Variants in FGF14 observed in about 807,000 individuals in gnomAD.
FGF14 encodes fibroblast growth factor 14, also known as fibroblast growth factor homologous factor 4.
FGF14 carries 5 observed loss-of-function variants against 25.5 expected under a neutral mutation model. The ratio of observed to expected loss-of-function variants is 0.20; its 90% CI spans 0.10 to 0.41. The LOEUF is 0.41. Among genes scored for constraint, FGF14 ranks in the 10% least tolerant of loss-of-function variants. The probability of loss-of-function intolerance (pLI) is 1.00; values close to 1 mark genes in which losing one functional copy is unlikely to be tolerated. For missense variants in FGF14, 222 were observed against 320.1 expected (o/e 0.69, Z 2.34); for synonymous variants, 138 against 118.3 (o/e 1.17, Z -1.08).
At chr13:102,056,578 A>G (rs1307360118) in intron 1 of FGF14, among the ~76,000 whole-genome samples, 1 of 152,166 alleles carries the variant, frequency 6.6e-6, no homozygotes. Context: ...TTGTGGTTCC[A>G]TAAATACTCA....
chr13:102,053,124 G>T (rs2042287295), intron 1 of FGF14, among the ~76,000 whole-genome samples: 1 of 151,986 alleles, frequency 6.6e-6, no homozygotes, highest in Non-Finnish European at 1.5e-5. Flanking sequence ...AATCACAAAG[G>T]AAGATAGCAA....
chr13:102,016,929 C>T (rs1356053300), intron 1 of FGF14: 1 of 152,242 alleles, frequency 6.6e-6, no homozygotes, highest in African/African-American at 2.4e-5. Context: ...TACTCTTAGA[C>T]AAGCTAGGAC....
rs530105516 is a variant in FGF14 at position 102,348,423 on chromosome 13, G to A, written c.208+53048C>T. ...GTGAGAGATGAAAAAGAAAGAAGAG[G>A]CATTTCTCCCTCCATCCATAGTGCA... On this transcript the variant is annotated intron_variant, in intron 1 of 4. Coordinates refer to the FGF14 transcript ENST00000376131. 3.9e-5 allele frequency among the ~76,000 whole-genome samples: 6 copies of A among 152,138 alleles called. No homozygotes were observed. In the South Asian group the frequency reaches 1.0e-3, roughly 26 times the overall value.
At chr13:102,095,237 C>A (rs2044338472) in intron 1 of FGF14, among the ~76,000 whole-genome samples, 1 of 152,060 alleles carries the variant, frequency 6.6e-6, no homozygotes, top group Admixed American at 6.5e-5. Flanking sequence ...TGAAGGGTTT[C>A]TGAAATGGAT....
intron 1 of FGF14, among the ~76,000 whole-genome samples, chr13:101,936,914 TTAGTGTA>T (rs1204775725): frequency 6.6e-6 from 1 of 152,174 alleles, no homozygotes; most frequent in Admixed American, 6.5e-5. Flanking sequence ...GAAAAATTAA[TTAGTGTA>T]TAGAAGCAAA....
In FGF14 at chr13:101,789,730, A is replaced by C. The variant is rs906483619; in HGVS notation, c.409-62920T>G. On this transcript the variant is annotated intron_variant, in intron 3 of 4. Coordinates refer to ENST00000376143, the MANE Select transcript of FGF14 (RefSeq NM_004115.4). Reference sequence around the variant, plus strand: ...AGACGAATTTTAAAACAAATATATGAAACTTTTTATAGATAGTATTAGTTT... The same window carrying C: ...AGACGAATTTTAAAACAAATATATGCAACTTTTTATAGATAGTATTAGTTT... Among the ~76,000 whole-genome samples the C allele has an allele frequency of 3.9e-5, 6 of 152,186 alleles. No homozygotes were observed. The South Asian group carries it at 1.0e-3, about 26-fold the overall frequency.
intron 1 of FGF14, among the ~76,000 whole-genome samples, chr13:101,982,078 G>T (rs1386041847): frequency 6.6e-6 from 1 of 152,116 alleles, no homozygotes; most frequent in Non-Finnish European, 1.5e-5. Flanking sequence ...AGTTAGTAGG[G>T]TCACCATAAA....
intron 1 of FGF14, chr13:102,373,815 C>A (rs942813074): frequency 1.3e-5 from 2 of 152,144 alleles, no homozygotes; most frequent in African/African-American, 4.8e-5. Context: ...TTGTAGAGAT[C>A]TTGTAGAACA....
chr13:101,749,302 C>G lies in FGF14; in HGVS notation c.409-22492G>C, dbSNP rs2037113152. ...TGGAAAGATTAAGCAAACTGTGGTA[C>G]ATCCATACCATGGAATATGACAGTA... On this transcript the variant is annotated intron_variant, in intron 3 of 4. Coordinates refer to ENST00000376143, the MANE Select transcript of FGF14 (RefSeq NM_004115.4). 3.3e-5 allele frequency among the ~76,000 whole-genome samples: 5 copies of G among 151,992 alleles called. No individual in the cohort carries two copies. The South Asian group carries it at 1.0e-3, about 31-fold the overall frequency.
intron 1 of FGF14, among the ~76,000 whole-genome samples, chr13:101,939,863 G>T (rs1443420400): frequency 6.6e-6 from 1 of 152,140 alleles, no homozygotes; most frequent in African/African-American, 2.4e-5. Flanking sequence ...GCTTTAGAAA[G>T]AAATAGCATG....
chr13:101,916,056 C>T (rs942859804), intron 1 of FGF14, among the ~76,000 whole-genome samples: 15 of 152,338 alleles, frequency 9.8e-5, no homozygotes, highest in Middle Eastern at 6.8e-3. Flanking sequence ...TGGAAACCCC[C>T]ACCAGCTCAG....
intron 1 of FGF14, among the ~76,000 whole-genome samples, chr13:101,980,525 G>A (rs2038185886): frequency 6.6e-6 from 1 of 152,260 alleles, no homozygotes; most frequent in Non-Finnish European, 1.5e-5. Flanking sequence ...GAGAGAAGTT[G>A]GTTAGGACAA....
intron 1 of FGF14, among the ~76,000 whole-genome samples, chr13:101,974,299 G>A (rs2037793536): frequency 6.6e-6 from 1 of 152,172 alleles, no homozygotes; most frequent in Admixed American, 6.5e-5. Context: ...TTTCAGATGA[G>A]GATGCTGAGG....
At chr13:101,869,813 A>T (rs2044947742) in intron 2 of FGF14, among the ~76,000 whole-genome samples, 1 of 152,216 alleles carries the variant, frequency 6.6e-6, no homozygotes, top group Non-Finnish European at 1.5e-5. Flanking sequence ...GTCATTTGAA[A>T]AATGTGGGCA....
chr13:102,236,280 G>T (rs1187825268), intron 1 of FGF14, among the ~76,000 whole-genome samples: 1 of 152,148 alleles, frequency 6.6e-6, no homozygotes, highest in Admixed American at 6.5e-5. Flanking sequence ...TTGGGGTCTG[G>T]ATCAGGACCC....
chr13:102,076,352 G>T (rs1421772928), intron 1 of FGF14, among the ~76,000 whole-genome samples: 3 of 152,152 alleles, frequency 2.0e-5, no homozygotes, highest in African/African-American at 7.2e-5. Context: ...ATTGCCCACA[G>T]TATTCAGTAC....
chr13:101,837,084 C>T (rs926849580), intron 3 of FGF14, among the ~76,000 whole-genome samples: 4 of 151,890 alleles, frequency 2.6e-5, no homozygotes, highest in African/African-American at 4.8e-5. Context: ...TTAGGCATGT[C>T]GTGTTCATTA....
At chr13:102,138,936 G>A (rs1185430641) in intron 1 of FGF14, among the ~76,000 whole-genome samples, 1 of 152,136 alleles carries the variant, frequency 6.6e-6, no homozygotes, top group African/African-American at 2.4e-5. Flanking sequence ...AAATGTAAAA[G>A]CTATGAGTTT....
At chr13:101,999,783 C>A (rs990732786) in intron 1 of FGF14, among the ~76,000 whole-genome samples, 1 of 152,040 alleles carries the variant, frequency 6.6e-6, no homozygotes. Flanking sequence ...ATCATATATA[C>A]GATAAGTGAA....
Sources: gnomAD v4.1 joint callset for allele counts (sites outside exome capture counted in the v4.1 genomes callset) on GRCh38, gnomAD v4.1.1 for gene constraint, MANE v1.5 for transcripts, NCBI Gene and HGNC (gene_info 2026-07-23, HGNC 2026-07-21) for gene names.